The following COX17 variants were observed in gnomAD, a reference collection of about 807,000 sequenced individuals.
COX17 encodes cytochrome c oxidase copper chaperone.
A neutral mutation model predicts 6.3 loss-of-function variants in COX17; 1 was observed. The observed-to-expected ratio is 0.16, with a 90% CI of 0.06 to 0.75. The LOEUF is 0.75. Ranked by LOEUF, COX17 falls within the 30% of genes least tolerant of loss-of-function variation. COX17 has a pLI of 0.77. For missense variants in COX17, 73 were observed against 81.2 expected (o/e 0.90, Z 0.39); for synonymous variants, 26 against 30.5 (o/e 0.85, Z 0.49).
intron 2 of COX17, among the ~76,000 whole-genome samples, chr3:119,674,130 C>T (rs550378752): frequency 6.6e-6 from 1 of 151,290 alleles, no homozygotes; most frequent in Non-Finnish European, 1.5e-5. Flanking sequence ...AGCGCCTCTG[C>T]CTGGCCGCCC....
chr3:119,668,463 G>T (rs1244132754), downstream of COX17, among the ~76,000 whole-genome samples: 1 of 151,130 alleles, frequency 6.6e-6, no homozygotes, highest in African/African-American at 2.4e-5. Flanking sequence ...AATAGAGAAT[G>T]CTAATAACAG....
chr3:119,677,102 A>G, intron 1 of COX17, 102 bp downstream of exon 1: 1 of 856,268 alleles, frequency 1.2e-6, no homozygotes, highest in Non-Finnish European at 1.9e-6. Context: ...CAGAGGGCAG[A>G]GGGCAGAAGG....
chr3:119,670,314 T>C (rs2107832723), intron 2 of COX17, among the ~76,000 whole-genome samples: 1 of 152,300 alleles, frequency 6.6e-6, no homozygotes, highest in Non-Finnish European at 1.5e-5. Flanking sequence ...TAAATTGGGG[T>C]AGCTAACTCT....
At chr3:119,666,293 G>A (rs16830291), downstream of COX17, among the ~76,000 whole-genome samples, 2 of 151,974 alleles carry the variant, frequency 1.3e-5, no homozygotes, top group African/African-American at 2.4e-5. Context: ...TCTCTCTTCC[G>A]CTGGACTTTA....
intron 1 of COX17, 137 bp downstream of exon 1, chr3:119,677,066 GA>G (rs2053110518): frequency 1.5e-6 from 1 of 671,454 alleles, no homozygotes; most frequent in Non-Finnish European, 2.7e-6. Flanking sequence ...GGGAAGGGGG[GA>G]AGGAAGAGGG....
chr3:119,665,397 C>G (rs947305773), downstream of COX17: 1 of 152,184 alleles, frequency 6.6e-6, no homozygotes, highest in Non-Finnish European at 1.5e-5. Flanking sequence ...TTTTTTAAGA[C>G]AGGGCCTTGC....
At chr3:119,667,765 A>T (rs1180749823), downstream of COX17, among the ~76,000 whole-genome samples, 1 of 151,630 alleles carries the variant, frequency 6.6e-6, no homozygotes, top group African/African-American at 2.4e-5. Flanking sequence ...GTCATCGAAG[A>T]GAGGTCCTAT....
At chr3:119,676,796 T>C in intron 1 of COX17, 1 of 700,526 alleles carries the variant, frequency 1.4e-6, no homozygotes, top group Non-Finnish European at 2.6e-6. Flanking sequence ...TCAAGATGCA[T>C]CTTTATCCAT....
At chr3:119,675,101 C>G in intron 2 of COX17, 44 bp downstream of exon 2, 1 of 1,348,722 alleles carries the variant, frequency 7.4e-7, no homozygotes, top group Non-Finnish European at 1.1e-6. Flanking sequence ...CCAATTGTTG[C>G]TAAATCTGTA....
chr3:119,671,088 C>T (rs1241545978), intron 2 of COX17, among the ~76,000 whole-genome samples: 1 of 152,100 alleles, frequency 6.6e-6, no homozygotes, highest in East Asian at 1.9e-4. Flanking sequence ...AAGTCTCTGC[C>T]TTTGCTACTA....
At chr3:119,675,296 T>C (rs1370313895) in intron 1 of COX17, 63 bp from the exon 2 acceptor site, 8 of 1,188,038 alleles carry the variant, frequency 6.7e-6, no homozygotes, top group Non-Finnish European at 8.8e-6. Flanking sequence ...GTATGCATGA[T>C]AGTGATGGGG....
intron 1 of COX17, 191 bp downstream of exon 1, chr3:119,677,003 TGGGGCGGGGC>T (rs749505426): frequency 2.5e-6 from 1 of 407,446 alleles, no homozygotes; most frequent in African/African-American, 5.0e-5. Flanking sequence ...AGCGCCGCAA[TGGGGCGGGGC>T]GGGGCGGGGC....
chr3:119,674,163 G>T (rs6786295), intron 2 of COX17, among the ~76,000 whole-genome samples: 5 of 150,986 alleles, frequency 3.3e-5, no homozygotes, highest in Admixed American at 3.3e-4. Context: ...AGTGTGGAGC[G>T]TCTCTGCCCA....
chr3:119,676,954 C>T, intron 1 of COX17: 1 of 699,232 alleles, frequency 1.4e-6, no homozygotes, highest in Non-Finnish European at 2.6e-6. Context: ...CAACAGAGAC[C>T]CGACCACGAA....
chr3:119,674,706 G>A lies in COX17; in HGVS notation c.*4+439C>T, dbSNP rs138269991. 596 of 156,992 alleles carry A rather than the reference G, an allele frequency of 3.8e-3. 2 individuals carry two copies. Among genetic ancestry groups the A allele is most frequent in the Non-Finnish European group, 6.3e-3 (452 of 71,436 alleles). The allele number at this position is 156,992 out of a possible 1,614,324, so 9.7% of individuals were successfully genotyped here. On this transcript the variant is annotated intron_variant, in intron 2 of 2. Coordinates refer to ENST00000261070, the MANE Select transcript of COX17 (RefSeq NM_005694.2). Reference sequence around the variant, plus strand: ...CCAGTTACTTAGGAGGCTGAGGGGAGGATCACCTGAACCTCCCAGGTTGAG... The same window carrying A: ...CCAGTTACTTAGGAGGCTGAGGGGAAGATCACCTGAACCTCCCAGGTTGAG...
chr3:119,675,277 C>T, intron 1 of COX17, 44 bp from the exon 2 acceptor site: 1 of 1,346,180 alleles, frequency 7.4e-7, no homozygotes, highest in Non-Finnish European at 1.1e-6. Context: ...GCATTAAGCA[C>T]ATTATTAAGT....
chr3:119,664,629 C>A (rs1475992855), downstream of COX17, among the ~76,000 whole-genome samples: 3 of 152,196 alleles, frequency 2.0e-5, no homozygotes, highest in Admixed American at 6.5e-5. Context: ...CAAGTGTGGT[C>A]ATGAACTCAG....
chr3:119,676,057 T>G (rs1227471926), intron 1 of COX17, among the ~76,000 whole-genome samples: 1 of 152,366 alleles, frequency 6.6e-6, no homozygotes. Context: ...ATGTATACTG[T>G]GTTAGCCACT....
chr3:119,673,320 T>C (rs150244625), intron 2 of COX17, among the ~76,000 whole-genome samples: 1,962 of 152,310 alleles, frequency 0.013, 22 homozygotes, highest in Middle Eastern at 0.037. Context: ...TGACAGTAAA[T>C]GAAATAGAAA....
Sources: gnomAD v4.1 joint callset for allele counts (sites outside exome capture counted in the v4.1 genomes callset) on GRCh38, gnomAD v4.1.1 for gene constraint, MANE v1.5 for transcripts, NCBI Gene and HGNC (gene_info 2026-07-23, HGNC 2026-07-21) for gene names.